The following SLC27A2 variants were observed in gnomAD, a reference collection of about 807,000 sequenced individuals.
The protein encoded by SLC27A2 is solute carrier family 27 member 2, also known as long-chain fatty acid transport protein 2.
Under a neutral mutation model 60.0 loss-of-function variants are expected in SLC27A2, and 54 were observed. That is an observed-to-expected ratio of 0.90 (90% CI 0.72 to 1.13). The LOEUF (loss-of-function observed/expected upper bound fraction) is 1.13. SLC27A2 is among the 50% of genes most tolerant of loss of function. The probability of loss-of-function intolerance (pLI) is 0.00; values close to 1 mark genes in which losing one functional copy is unlikely to be tolerated. For synonymous variants in SLC27A2, 297 were observed against 297.6 expected (o/e 1.00, Z 0.02); for missense variants, 739 against 777.6 (o/e 0.95, Z 0.59).
intron 7 of SLC27A2, among the ~76,000 whole-genome samples, chr15:50,228,428 CTTTA>C (rs1239127223): frequency 6.9e-6 from 1 of 144,550 alleles, no homozygotes; most frequent in East Asian, 2.0e-4. Flanking sequence ...AAATTTAACT[CTTTA>C]TTAAGTGAAA....
At chr15:50,188,095 C>A (rs762606129) in intron 1 of SLC27A2, among the ~76,000 whole-genome samples, 32 of 151,952 alleles carry the variant, frequency 2.1e-4, no homozygotes, top group Non-Finnish European at 1.0e-4. Context: ...AGAACTAAAC[C>A]GCATGCACAA....
chr15:50,196,757 T>C (rs1237587952), intron 1 of SLC27A2, among the ~76,000 whole-genome samples: 1 of 152,236 alleles, frequency 6.6e-6, no homozygotes, highest in African/African-American at 2.4e-5. Flanking sequence ...ACTCCTTTTT[T>C]TTCCCTCAGA....
chr15:50,195,822 G>C (rs1316195610), intron 1 of SLC27A2, among the ~76,000 whole-genome samples: 1 of 150,784 alleles, frequency 6.6e-6, no homozygotes, highest in Non-Finnish European at 1.5e-5. Flanking sequence ...TTGGGAGGCC[G>C]AGGCGGGCGG....
chr15:50,218,661 C>A (rs2045220154), intron 4 of SLC27A2, among the ~76,000 whole-genome samples: 1 of 151,934 alleles, frequency 6.6e-6, no homozygotes, highest in Admixed American at 6.6e-5. Context: ...CTCAGATATA[C>A]AATATTCAGA....
At chr15:50,217,791 C>T (rs2045210132) in intron 4 of SLC27A2, among the ~76,000 whole-genome samples, 1 of 152,104 alleles carries the variant, frequency 6.6e-6, no homozygotes, top group African/African-American at 2.4e-5. Context: ...CACGGTGGCT[C>T]ACGCCTGTAA....
chr15:50,186,531 A>G (rs1245437637), intron 1 of SLC27A2, among the ~76,000 whole-genome samples: 2 of 152,140 alleles, frequency 1.3e-5, no homozygotes, highest in African/African-American at 4.8e-5. Flanking sequence ...TCCGCCTCCC[A>G]GGTTCAAGCC....
At chr15:50,195,320 A>T (rs543793515) in intron 1 of SLC27A2, among the ~76,000 whole-genome samples, 2 of 150,820 alleles carry the variant, frequency 1.3e-5, no homozygotes, top group East Asian at 3.9e-4. Flanking sequence ...TGAAAAAAAA[A>T]AAAAAAACAA....
At chr15:50,206,115 C>A (rs989664463) in intron 4 of SLC27A2, among the ~76,000 whole-genome samples, 6 of 152,162 alleles carry the variant, frequency 3.9e-5, no homozygotes, top group Non-Finnish European at 5.9e-5. Context: ...GGTGGCACTG[C>A]TGACATTTTG....
At chr15:50,229,192 T>G (rs558121311) in intron 8 of SLC27A2, 150 bp downstream of exon 8, 1 of 584,230 alleles carries the variant, frequency 1.7e-6, no homozygotes, top group Admixed American at 3.0e-5. Flanking sequence ...GTCTGGCTTA[T>G]GTTCCACTAT....
chr15:50,212,357 T>G (rs2140906867), intron 4 of SLC27A2, among the ~76,000 whole-genome samples: 1 of 152,264 alleles, frequency 6.6e-6, no homozygotes. Flanking sequence ...TTCTAAACAC[T>G]TGAAAAACAT....
intron 4 of SLC27A2, among the ~76,000 whole-genome samples, chr15:50,219,112 A>G (rs1457420493): frequency 6.6e-6 from 1 of 152,264 alleles, no homozygotes; most frequent in Non-Finnish European, 1.5e-5. Flanking sequence ...TATTGGTTTA[A>G]CCAAAAATTG....
intron 4 of SLC27A2, among the ~76,000 whole-genome samples, chr15:50,222,613 C>T (rs1023702238): frequency 6.6e-6 from 1 of 152,158 alleles, no homozygotes; most frequent in Admixed American, 6.5e-5. Context: ...ACATATTATA[C>T]ACATTATTCT....
Position 50,236,139 on chromosome 15 carries a change from A to C in SLC27A2, c.*43A>C. On this transcript the variant is annotated 3_prime_UTR_variant, in exon 10 of 10. Coordinates refer to ENST00000267842, the MANE Select transcript of SLC27A2 (RefSeq NM_003645.4). ...ACTCAACATTTCCAGAAAGAAACTGAATGGACAGCCACTTGATATAATCCA... is the reference window on the plus strand; with the variant it reads ...ACTCAACATTTCCAGAAAGAAACTGCATGGACAGCCACTTGATATAATCCA... 6.9e-7 allele frequency: 1 copy of C among 1,446,566 alleles called. No individual in the cohort carries two copies. Among genetic ancestry groups the C allele is most frequent in the Non-Finnish European group, 9.3e-7 (1 of 1,071,904 alleles). 89.6% of individuals were successfully genotyped at this position (1,446,566 alleles called of 1,614,324 possible). A position where few individuals can be genotyped will look rare whatever the true frequency, so the allele number is the denominator to read the frequency against.
At position 50,224,302 on chromosome 15, in the gene SLC27A2, T is replaced by C. The variant is rs959649595; in HGVS notation, c.1167+1143T>C. ...AAAAATAAAAAAAATTAGCCGGGCA[T>C]GGTGGCGGGAGCCTGTAATCCCAGC... On this transcript the variant is annotated intron_variant, in intron 5 of 9. Coordinates refer to ENST00000267842, the MANE Select transcript of SLC27A2 (RefSeq NM_003645.4). Among the ~76,000 whole-genome samples the C allele has an allele frequency of 8.1e-4, 123 of 152,146 alleles. 1 individual carries two copies. Among genetic ancestry groups the C allele is most frequent in the African/African-American group, 2.9e-3 (121 of 41,524 alleles).
intron 8 of SLC27A2, among the ~76,000 whole-genome samples, chr15:50,230,010 C>T (rs1036549363): frequency 1.4e-5 from 2 of 148,104 alleles, no homozygotes; most frequent in African/African-American, 5.0e-5. Flanking sequence ...CCGAGACGGG[C>T]AGATCATGAG....
chr15:50,225,023 G>A (rs908951409), intron 5 of SLC27A2, among the ~76,000 whole-genome samples: 10 of 151,330 alleles, frequency 6.6e-5, no homozygotes, highest in Admixed American at 5.9e-4. Context: ...TTTAAAAACC[G>A]GATGATCCCA....
Position 50,217,458 on chromosome 15 carries a change from C to T in SLC27A2, c.973-5507C>T, listed in dbSNP as rs368332326. Reference sequence around the variant, plus strand: ...CTAACCAGGGAGACCCCACCAGCTCCTTTCCCCTGCACAGATACTGGAACT... The same window carrying T: ...CTAACCAGGGAGACCCCACCAGCTCTTTTCCCCTGCACAGATACTGGAACT... On this transcript the variant is annotated intron_variant, in intron 4 of 9. Coordinates refer to ENST00000267842, the MANE Select transcript of SLC27A2 (RefSeq NM_003645.4). Among the ~76,000 whole-genome samples, 12 of 152,188 alleles carry T rather than the reference C, an allele frequency of 7.9e-5. No individual in the cohort carries two copies. The East Asian group carries it at 9.7e-4, about 12-fold the overall frequency.
intron 1 of SLC27A2, among the ~76,000 whole-genome samples, chr15:50,196,164 G>A (rs1311479908): frequency 2.4e-5 from 3 of 122,988 alleles, no homozygotes; most frequent in African/African-American, 9.1e-5. Context: ...TTCAAGACAA[G>A]TAGGCTTAAA....
intron 5 of SLC27A2, among the ~76,000 whole-genome samples, chr15:50,224,407 T>C (rs1356937872): frequency 6.6e-6 from 1 of 152,216 alleles, no homozygotes; most frequent in East Asian, 1.9e-4. Context: ...GCCACTGCAC[T>C]CCAGCCTGGG....
Sources: allele counts gnomAD v4.1 joint callset (sites outside exome capture counted in the v4.1 genomes callset), GRCh38; gene constraint gnomAD v4.1.1; transcripts MANE v1.5; gene names NCBI Gene and HGNC (gene_info 2026-07-23, HGNC 2026-07-21).